The following SLC5A4 variants were observed in gnomAD, a reference collection of about 807,000 sequenced individuals.
The protein encoded by SLC5A4 is solute carrier family 5 member 4.
Under a neutral mutation model 70.3 loss-of-function variants are expected in SLC5A4, and 55 were observed. The observed-to-expected ratio is 0.78, with a 90% CI of 0.63 to 0.98. The LOEUF is 0.98. Ranked by LOEUF, SLC5A4 falls within the 50% of genes least tolerant of loss-of-function variation. The pLI is 0.00. For missense variants in SLC5A4, 735 were observed against 839.2 expected (o/e 0.88, Z 1.53); for synonymous variants, 268 against 305.7 (o/e 0.88, Z 1.29).
At chr22:32,253,833 T>G (rs1367242678) in intron 2 of SLC5A4, among the ~76,000 whole-genome samples, 1 of 151,658 alleles carries the variant, frequency 6.6e-6, no homozygotes, top group Non-Finnish European at 1.5e-5. Flanking sequence ...CAGGCTGGAG[T>G]GCAGTGGTGT....
the SLC5A4 span, among the ~76,000 whole-genome samples, chr22:32,291,982 C>T: frequency 0.48 from 69,181 of 143,136 alleles, 16,902 homozygotes; most frequent in Admixed American, 0.52. Flanking sequence ...AAGTGATTCT[C>T]GTGCCTCAGT....
the SLC5A4 span, among the ~76,000 whole-genome samples, chr22:32,291,839 T>C: frequency 6.9e-6 from 1 of 145,172 alleles, no homozygotes; most frequent in African/African-American, 2.5e-5. Context: ...TGTGTGTATA[T>C]ATATGTATGT....
rs1478562933 is a variant in SLC5A4 at position 32,239,851 on chromosome 22, C to T, written c.478-761G>A. On this transcript the variant is annotated intron_variant, in intron 5 of 14. Coordinates refer to ENST00000266086, the MANE Select transcript of SLC5A4 (RefSeq NM_014227.3). The stretch of plus-strand genomic sequence containing the variant: ...CATCCTGGCTAACACAGTGAAACCC[C>T]GTCTCTACTACAAATACAAAAAATT... 2.7e-5 allele frequency among the ~76,000 whole-genome samples: 4 copies of T among 148,552 alleles called. 1 individual carries two copies. The highest frequency in any genetic ancestry group is 3.0e-5 in the Non-Finnish European group (2 of 67,358).
chr22:32,224,437 G>A lies in SLC5A4; in HGVS notation c.1495C>T (p.Arg499Cys), dbSNP rs776616320. The change falls in exon 13 of 15, where the codon CGT becomes TGT. Residue 499 changes from arginine (R) to cysteine (C), a missense_variant. Physicochemically the swap from Arg to Cys is radical, Grantham distance 180. Transcript: ENST00000266086. ...CCATAAGCAAACTCTGTTATCATAC[G>A]AATGAGGCCCATTGCAAGTCCAACC... ...LMVGLAMGLI[R>C]MITEFAYGTG... 5.0e-6 allele frequency: 8 copies of A among 1,613,972 alleles called. No homozygotes were observed. Among genetic ancestry groups the A allele is most frequent in the Admixed American group, 3.3e-5 (2 of 59,994 alleles).
intron 13 of SLC5A4, among the ~76,000 whole-genome samples, chr22:32,224,007 G>A (rs375264680): frequency 4.0e-5 from 6 of 151,710 alleles, no homozygotes; most frequent in Admixed American, 1.3e-4. Flanking sequence ...TGCAAGCTCC[G>A]CCTCCCAGGT....
the SLC5A4 span, among the ~76,000 whole-genome samples, chr22:32,325,280 A>C: frequency 6.6e-6 from 1 of 152,128 alleles, no homozygotes; most frequent in Non-Finnish European, 1.5e-5. Context: ...CTGGTGGGGG[A>C]GCCACACCAG....
At chr22:32,353,933 G>A in the SLC5A4 span, among the ~76,000 whole-genome samples, 1 of 151,124 alleles carries the variant, frequency 6.6e-6, no homozygotes, top group Non-Finnish European at 1.5e-5. Context: ...TCCCCACTGG[G>A]AGCAGCAACC....
chr22:32,305,469 GAAA>G, the SLC5A4 span, among the ~76,000 whole-genome samples: 2 of 149,014 alleles, frequency 1.3e-5, no homozygotes, highest in Non-Finnish European at 3.0e-5. Flanking sequence ...CCTCTCTGGA[GAAA>G]AACAGTATTT....
the SLC5A4 span, among the ~76,000 whole-genome samples, chr22:32,336,848 C>T: frequency 6.6e-6 from 1 of 152,254 alleles, no homozygotes; most frequent in Non-Finnish European, 1.5e-5. Flanking sequence ...AGGGGCCTGG[C>T]CTTTTTTGTC....
chr22:32,345,130 G>A, the SLC5A4 span, among the ~76,000 whole-genome samples: 4 of 151,968 alleles, frequency 2.6e-5, no homozygotes, highest in African/African-American at 9.7e-5. Context: ...AAAAAAGTGA[G>A]GCAAATTTGT....
chr22:32,315,794 TAAAAAA>T, the SLC5A4 span, among the ~76,000 whole-genome samples: 1 of 95,914 alleles, frequency 1.0e-5, no homozygotes, highest in South Asian at 5.0e-4. Context: ...CACACTTGCT[TAAAAAA>T]AAAAAAAAAA....
At chr22:32,300,506 C>T in the SLC5A4 span, among the ~76,000 whole-genome samples, 1 of 151,930 alleles carries the variant, frequency 6.6e-6, no homozygotes, top group Admixed American at 6.6e-5. Flanking sequence ...CAATGCCTCG[C>T]CCTGCTTCGG....
chr22:32,279,106 C>A, the SLC5A4 span, among the ~76,000 whole-genome samples: 2 of 152,090 alleles, frequency 1.3e-5, no homozygotes, highest in East Asian at 3.9e-4. Context: ...GAAACCCCGT[C>A]TCCACTAAAA....
intron 13 of SLC5A4, among the ~76,000 whole-genome samples, 181 bp from the exon 14 acceptor site, chr22:32,221,203 A>T (rs1019996420): frequency 1.3e-5 from 2 of 152,126 alleles, no homozygotes; most frequent in Non-Finnish European, 2.9e-5. Flanking sequence ...ATCATTTTAA[A>T]TTTTTTTCTG....
the SLC5A4 span, among the ~76,000 whole-genome samples, chr22:32,335,965 G>A: frequency 6.6e-6 from 1 of 152,226 alleles, no homozygotes; most frequent in East Asian, 1.9e-4. Flanking sequence ...GACGTCTGCA[G>A]TTCCAACAAG....
At chr22:32,323,906 T>TC in the SLC5A4 span, among the ~76,000 whole-genome samples, 1 of 152,146 alleles carries the variant, frequency 6.6e-6, no homozygotes, top group Non-Finnish European at 1.5e-5. Flanking sequence ...GCTGATATGT[T>TC]AAAGAGGTTG....
chr22:32,270,800 C>A, the SLC5A4 span: 1 of 598,716 alleles, frequency 1.7e-6, no homozygotes, highest in Non-Finnish European at 3.1e-6. Flanking sequence ...GGCCGCGTCA[C>A]CATGTTCCTG....
At chr22:32,310,650 A>ACAGCTGGACCCAAAGACTG in the SLC5A4 span, among the ~76,000 whole-genome samples, 1 of 152,108 alleles carries the variant, frequency 6.6e-6, no homozygotes, top group Non-Finnish European at 1.5e-5. Flanking sequence ...CCTGGAGGAG[A>ACAGCTGGACCCAAAGACTG]CAGCTGGACC....
the SLC5A4 span, chr22:32,271,188 C>T: frequency 1.4e-6 from 1 of 725,444 alleles, no homozygotes. Flanking sequence ...CCATGGTGAC[C>T]TGCCAGCTCC....
Sources: gnomAD v4.1 joint callset for allele counts (sites outside exome capture counted in the v4.1 genomes callset) on GRCh38, gnomAD v4.1.1 for gene constraint, MANE v1.5 for transcripts, NCBI Gene and HGNC (gene_info 2026-07-23, HGNC 2026-07-21) for gene names.